Variants in NAV2 observed in about 807,000 individuals in gnomAD.
The protein encoded by NAV2 is neuron navigator 2.
In NAV2, 54 loss-of-function variants were observed where a neutral mutation model predicts 223.2. The observed-to-expected ratio is 0.24, with a 90% CI of 0.19 to 0.30. The LOEUF is 0.30. Ranked by LOEUF, NAV2 falls within the 10% of genes least tolerant of loss-of-function variation. NAV2 has a pLI of 1.00. For synonymous variants in NAV2, 1,279 were observed against 1,239.3 expected, an observed-to-expected ratio of 1.03 and a Z score of -0.67; for missense variants, 2,806 against 3,147.5, an observed-to-expected ratio of 0.89 and a Z score of 2.60.
intron 1 of NAV2, among the ~76,000 whole-genome samples, chr11:19,383,102 A>G (rs763768853): frequency 2.0e-5 from 3 of 152,160 alleles, no homozygotes; most frequent in Non-Finnish European, 4.4e-5. Context: ...AAGAAATCCC[A>G]TTTGCCTTCA....
At chr11:20,048,224 C>A (rs2057648849) in intron 14 of NAV2, among the ~76,000 whole-genome samples, 1 of 152,164 alleles carries the variant, frequency 6.6e-6, no homozygotes, top group Non-Finnish European at 1.5e-5. Context: ...TTCCTAGGCC[C>A]CCTCCAGATC....
intron 10 of NAV2, among the ~76,000 whole-genome samples, chr11:19,972,962 A>G (rs1175790553): frequency 2.0e-5 from 3 of 152,174 alleles, no homozygotes; most frequent in African/African-American, 7.2e-5. Flanking sequence ...GCCTCCCTAC[A>G]GTGCTTCCAG....
intron 11 of NAV2, among the ~76,000 whole-genome samples, chr11:19,991,505 CTTTATA>C (rs536644401): frequency 3.3e-5 from 5 of 152,156 alleles, no homozygotes; most frequent in Non-Finnish European, 7.3e-5. Context: ...ACTCACTTTT[CTTTATA>C]TTTAATTAAT....
At chr11:20,079,912 C>A in intron 24 of NAV2, 152 bp from the exon 25 acceptor site, 1 of 737,662 alleles carries the variant, frequency 1.4e-6, no homozygotes, top group Non-Finnish European at 2.2e-6. Context: ...ATTCAAGGAT[C>A]TTAGAAACAG....
intron 1 of NAV2, among the ~76,000 whole-genome samples, chr11:19,723,715 G>A (rs2050970377): frequency 6.6e-6 from 1 of 152,202 alleles, no homozygotes; most frequent in African/African-American, 2.4e-5. Context: ...CTACTGCTGT[G>A]GCTGCTGTCC....
At chr11:19,999,905 G>A (rs2052371890) in intron 11 of NAV2, among the ~76,000 whole-genome samples, 3 of 152,182 alleles carry the variant, frequency 2.0e-5, no homozygotes, top group Admixed American at 2.0e-4. Flanking sequence ...CACAGATAAG[G>A]AAAGTGAGGC....
At chr11:19,635,750 AG>A (rs1303556706) in intron 1 of NAV2, among the ~76,000 whole-genome samples, 2 of 152,216 alleles carry the variant, frequency 1.3e-5, no homozygotes, top group Admixed American at 1.3e-4. Flanking sequence ...TTTATTCATG[AG>A]GATAAACTCT....
At chr11:20,073,044 C>A (rs577339851) in intron 22 of NAV2, among the ~76,000 whole-genome samples, 1 of 152,232 alleles carries the variant, frequency 6.6e-6, no homozygotes, top group South Asian at 2.1e-4. Flanking sequence ...CCAGTCTTTG[C>A]CCATTCAGTA....
At chr11:19,825,899 A>G (rs2059622335) in intron 1 of NAV2, among the ~76,000 whole-genome samples, 1 of 152,204 alleles carries the variant, frequency 6.6e-6, no homozygotes, top group African/African-American at 2.4e-5. Flanking sequence ...GTGAATCAAA[A>G]TGAATTCACT....
At chr11:19,550,343 T>C (rs140064533) in intron 1 of NAV2, among the ~76,000 whole-genome samples, 94 of 152,330 alleles carry the variant, frequency 6.2e-4, no homozygotes, top group African/African-American at 2.1e-3. Context: ...TTAAAGGGAA[T>C]GCACGTTTAT....
At chr11:19,862,218 A>G (rs556217885) in intron 3 of NAV2, among the ~76,000 whole-genome samples, 382 of 152,376 alleles carry the variant, frequency 2.5e-3, no homozygotes, top group African/African-American at 8.9e-3. Context: ...TTTTTTAAAA[A>G]GGGAATTTTT....
intron 1 of NAV2, among the ~76,000 whole-genome samples, chr11:19,422,108 A>G (rs1361573332): frequency 6.6e-6 from 1 of 152,222 alleles, no homozygotes; most frequent in Non-Finnish European, 1.5e-5. Context: ...ATAAGGTCAC[A>G]CACAGAGGCA....
At chr11:19,761,589 A>G (rs961343779) in intron 1 of NAV2, among the ~76,000 whole-genome samples, 3 of 152,148 alleles carry the variant, frequency 2.0e-5, no homozygotes, top group South Asian at 2.1e-4. Context: ...CAACACAACA[A>G]TGGCCAGTGT....
chr11:19,618,741 T>C (rs1382817341), intron 1 of NAV2, among the ~76,000 whole-genome samples: 1 of 151,762 alleles, frequency 6.6e-6, no homozygotes, highest in Non-Finnish European at 1.5e-5. Flanking sequence ...AGGGGAGATA[T>C]ATGGGTGCTT....
intron 10 of NAV2, among the ~76,000 whole-genome samples, chr11:19,954,718 A>G (rs2047685820): frequency 1.3e-5 from 2 of 152,042 alleles, no homozygotes; most frequent in South Asian, 2.1e-4. Context: ...CTGTCAGGTC[A>G]TCTCCTCTCT....
Position 20,080,036 on chromosome 11 carries a change from T to C in NAV2, c.5180-28T>C, listed in dbSNP as rs200734478. ...AAAGAATAGGGCTCAGGTTGGCAGC[T>C]GCTGAAACACCCTGCCTTGGTCTCC... is the stretch of plus-strand genomic sequence containing the variant. On this transcript the variant is annotated intron_variant, in intron 24 of 37. Transcript: ENST00000349880. The C allele has an allele frequency of 6.2e-6, 10 of 1,610,654 alleles. No individual in the cohort carries two copies. The East Asian group carries it at 2.2e-4, about 36-fold the overall frequency.
chr11:19,818,487 A>G (rs972773931), intron 1 of NAV2, among the ~76,000 whole-genome samples: 32 of 152,022 alleles, frequency 2.1e-4, no homozygotes, highest in African/African-American at 7.7e-4. Context: ...ACCATAAACA[A>G]TAGTAAAATA....
At chr11:19,622,050 A>G (rs915707958) in intron 1 of NAV2, among the ~76,000 whole-genome samples, 2 of 152,202 alleles carry the variant, frequency 1.3e-5, no homozygotes, top group African/African-American at 4.8e-5. Context: ...TTTAGTTTCC[A>G]TGTAGTTGAG....
At chr11:19,855,443 T>C (rs775306638) in intron 3 of NAV2, among the ~76,000 whole-genome samples, 2 of 152,184 alleles carry the variant, frequency 1.3e-5, no homozygotes, top group Non-Finnish European at 2.9e-5. Flanking sequence ...ATAGCTCCAG[T>C]AATGATGAAA....
Sources: gnomAD v4.1 joint callset for allele counts (sites outside exome capture counted in the v4.1 genomes callset) on GRCh38, gnomAD v4.1.1 for gene constraint, MANE v1.5 for transcripts, NCBI Gene and HGNC (gene_info 2026-07-23, HGNC 2026-07-21) for gene names.